EPYC: variants seen among roughly 807,000 people sequenced by gnomAD.
The protein encoded by EPYC is epiphycan.
EPYC carries 28 observed loss-of-function variants against 30.1 expected under a neutral mutation model. That is an observed-to-expected ratio of 0.93 (90% confidence interval 0.69 to 1.28). EPYC has a LOEUF of 1.28. Among genes scored for constraint, EPYC ranks in the 50% most tolerant of loss-of-function variants. EPYC has a pLI of 0.00. For synonymous variants in EPYC, 144 were observed against 141.4 expected, an observed-to-expected ratio of 1.02 and a Z score of -0.13; for missense variants, 382 against 383.5, an observed-to-expected ratio of 1.00 and a Z score of 0.03.
intron 3 of EPYC, among the ~76,000 whole-genome samples, chr12:90,977,463 G>T (rs1467921242): frequency 1.3e-5 from 2 of 152,136 alleles, no homozygotes; most frequent in African/African-American, 2.4e-5. Context: ...TGAGTGAGAA[G>T]AAGCCTGTTT....
intron 2 of EPYC, among the ~76,000 whole-genome samples, chr12:90,996,416 A>G (rs1592631602): frequency 6.6e-6 from 1 of 151,942 alleles, no homozygotes; most frequent in East Asian, 1.9e-4. Flanking sequence ...CAGGGGATAC[A>G]TGCACAGGTT....
rs145556655 is a variant in EPYC, at chr12:90,966,495, T to C, written c.799-2169A>G. Reference sequence around the variant, plus strand: ...ATATTTCTGCAATCCCATTTGGTCGTGATGTGTAATCTTTTCTATATGTTG... The same window carrying C: ...ATATTTCTGCAATCCCATTTGGTCGCGATGTGTAATCTTTTCTATATGTTG... On this transcript the variant is annotated intron_variant, in intron 6 of 6. Transcript: ENST00000261172. Among the ~76,000 whole-genome samples, 1,118 of 152,226 alleles carry C rather than the reference T, an allele frequency of 7.3e-3. 11 individuals are homozygous for C. Among genetic ancestry groups the C allele is most frequent in the Non-Finnish European group, 0.011 (724 of 67,938 alleles).
chr12:90,996,018 A>G (rs1877686094), intron 2 of EPYC, among the ~76,000 whole-genome samples: 1 of 151,934 alleles, frequency 6.6e-6, no homozygotes, highest in Non-Finnish European at 1.5e-5. Flanking sequence ...TATGCAAACC[A>G]TATGTATGAA....
At chr12:90,970,628 T>C (rs534312212) in intron 5 of EPYC, among the ~76,000 whole-genome samples, 33 of 152,356 alleles carry the variant, frequency 2.2e-4, no homozygotes, top group African/African-American at 7.9e-4. Context: ...TGTTCTACTC[T>C]AGCCAAACAC....
chr12:90,968,667 T>G (rs1876959053), intron 6 of EPYC, among the ~76,000 whole-genome samples: 1 of 152,110 alleles, frequency 6.6e-6, no homozygotes, highest in Admixed American at 6.5e-5. Context: ...TTTAAAAAAT[T>G]CCCTCATATT....
intron 1 of EPYC, among the ~76,000 whole-genome samples, chr12:91,004,318 C>G (rs1877900726): frequency 6.6e-6 from 1 of 152,074 alleles, no homozygotes; most frequent in Admixed American, 6.6e-5. Flanking sequence ...GAGCTATCAA[C>G]TATAAGGCAG....
chr12:90,978,218 G>A lies in EPYC; in HGVS notation c.210C>T (p.Leu70=). The stretch of plus-strand genomic sequence containing the variant: ...CCTTCTCAGGCTGTGGGGGTGGAGT[G>A]AGGAGCTCTCTGTTCCCTGAAGGCA... ...TVMPSGNREL[L]TPPPQPEKAQ... The change falls in exon 3 of 7, where the codon CTC becomes CTT. Residue 70 remains leucine, a synonymous_variant. Coordinates refer to ENST00000261172, the MANE Select transcript of EPYC (RefSeq NM_004950.5). 6.2e-7 allele frequency: 1 copy of A among 1,602,038 alleles called. No homozygotes were observed. Among genetic ancestry groups the A allele is most frequent in the Non-Finnish European group, 8.5e-7 (1 of 1,175,280 alleles).
intron 2 of EPYC, among the ~76,000 whole-genome samples, chr12:90,995,997 A>T (rs1427238203): frequency 6.6e-6 from 1 of 151,956 alleles, no homozygotes; most frequent in Non-Finnish European, 1.5e-5. Flanking sequence ...CTTCCAACAT[A>T]AAGTGTTGAG....
Position 90,970,116 on chromosome 12 carries a change from C to G in EPYC, c.726G>C (p.Leu242=). The G allele has an allele frequency of 1.2e-6, 2 of 1,613,614 alleles. No homozygotes were observed. Among genetic ancestry groups the G allele is most frequent in the South Asian group, 2.2e-5 (2 of 91,072 alleles). The stretch of plus-strand genomic sequence containing the variant: ...GGTCCAAGTTGTTATCAGTGAGGTA[C>G]AGATGATGGAGATCATACATGTCCT... ...AFKDMYDLHH[L]YLTDNNLDHI... is the part of the protein sequence containing the mutation. Residue 242 remains leucine (L), a synonymous_variant, in exon 6 of 7, where the codon CTG becomes CTC. Transcript: ENST00000261172.
chr12:90,973,711 G>T (rs931955938), intron 3 of EPYC, among the ~76,000 whole-genome samples: 2 of 152,112 alleles, frequency 1.3e-5, no homozygotes, highest in Non-Finnish European at 2.9e-5. Context: ...ACTTTGGAGG[G>T]ACTGAAGGAT....
intron 5 of EPYC, among the ~76,000 whole-genome samples, chr12:90,971,534 G>A (rs1239803576): frequency 6.6e-6 from 1 of 151,768 alleles, no homozygotes; most frequent in Non-Finnish European, 1.5e-5. Flanking sequence ...AGCCAGGCAT[G>A]GTGACACGCA....
At position 90,971,826 on chromosome 12, in the gene EPYC, TC is replaced by T; in HGVS notation, c.675del (p.Ile228Ter). ...TTAAATGCTTCTTGCTTTATCCCTT[TC>T]CTTCCAAGTCTATTGTTGCTAATAT... ...FIDISNNRLG[R>X]KGIKQEAFKD... On this transcript the variant is annotated frameshift_variant, in exon 5 of 7. Transcript: ENST00000261172. LOFTEE classifies it high-confidence loss of function. 1 of 1,606,936 alleles carries T rather than the reference TC, an allele frequency of 6.2e-7. No homozygotes were observed. Among genetic ancestry groups the T allele is most frequent in the Admixed American group, 1.7e-5 (1 of 58,318 alleles).
intron 2 of EPYC, among the ~76,000 whole-genome samples, chr12:90,992,680 G>C (rs752390817): frequency 1.3e-5 from 2 of 152,096 alleles, no homozygotes; most frequent in Non-Finnish European, 2.9e-5. Flanking sequence ...GCCAGAAAAC[G>C]GAAAGATCTC....
chr12:91,000,281 G>T (rs1877792360), intron 2 of EPYC, among the ~76,000 whole-genome samples: 1 of 152,044 alleles, frequency 6.6e-6, no homozygotes. Flanking sequence ...ATGTGGTAAA[G>T]GCTGAAGTAT....
intron 4 of EPYC, chr12:90,972,582 T>A (rs1877078246): frequency 2.9e-6 from 1 of 345,384 alleles, no homozygotes; most frequent in African/African-American, 2.1e-5. Flanking sequence ...ATTATGCATA[T>A]TTAGTTTAAA....
intron 1 of EPYC, among the ~76,000 whole-genome samples, chr12:91,004,726 A>G (rs1019934279): frequency 7.9e-5 from 12 of 152,070 alleles, no homozygotes; most frequent in African/African-American, 2.7e-4. Context: ...TGTCATGACT[A>G]CTGAGATTAA....
At chr12:90,995,141 C>T (rs1263453879) in intron 2 of EPYC, among the ~76,000 whole-genome samples, 2 of 152,044 alleles carry the variant, frequency 1.3e-5, no homozygotes, top group African/African-American at 2.4e-5. Flanking sequence ...TCTAAAAGAC[C>T]GTAACCATGA....
chr12:90,989,756 A>G (rs946254434), intron 2 of EPYC, among the ~76,000 whole-genome samples: 12 of 152,014 alleles, frequency 7.9e-5, no homozygotes, highest in African/African-American at 2.9e-4. Flanking sequence ...GAAAATGGCA[A>G]TATTCCATTT....
chr12:91,000,600 A>G (rs1444243332), intron 2 of EPYC, among the ~76,000 whole-genome samples: 3 of 151,346 alleles, frequency 2.0e-5, no homozygotes, highest in Non-Finnish European at 4.4e-5. Context: ...TTTTTTTTCT[A>G]TTGTGTATTT....
Sources: allele counts gnomAD v4.1 joint callset (sites outside exome capture counted in the v4.1 genomes callset), GRCh38; gene constraint gnomAD v4.1.1; transcripts MANE v1.5; gene names NCBI Gene and HGNC (gene_info 2026-07-23, HGNC 2026-07-21).